CSMD1: variants seen among roughly 807,000 people sequenced by gnomAD.
CSMD1 encodes CUB and Sushi multiple domains 1.
CSMD1 carries 213 observed loss-of-function variants against 417.5 expected under a neutral mutation model. That is an observed-to-expected ratio of 0.51 (90% CI 0.46 to 0.57). The LOEUF is 0.57. Among genes scored for constraint, CSMD1 ranks in the 20% least tolerant of loss-of-function variants. CSMD1 has a pLI of 0.00. For missense variants in CSMD1, 6,923 were observed against 4,529.7 expected (o/e 1.53, Z -15.17); for synonymous variants, 2,862 against 1,736.8 (o/e 1.65, Z -16.11).
intron 6 of CSMD1, among the ~76,000 whole-genome samples, chr8:3,727,565 G>A (rs1023890371): frequency 1.3e-5 from 2 of 152,114 alleles, no homozygotes; most frequent in Admixed American, 6.6e-5. Context: ...GAAGTTCCTC[G>A]AAAAAATACT....
intron 6 of CSMD1, among the ~76,000 whole-genome samples, chr8:3,723,016 C>T (rs1385689747): frequency 2.0e-5 from 3 of 152,190 alleles, no homozygotes; most frequent in East Asian, 3.9e-4. Flanking sequence ...CTCAGCTGGG[C>T]CCTCTGAGCT....
Position 4,463,784 on chromosome 8 carries a change from G to GT in CSMD1, c.303-43720dup, listed in dbSNP as rs536032870. 3.1e-3 allele frequency among the ~76,000 whole-genome samples: 475 copies of GT among 152,200 alleles called. 1 individual carries two copies. Among genetic ancestry groups the GT allele is most frequent in the African/African-American group, 0.011 (440 of 41,538 alleles). On this transcript the variant is annotated intron_variant, in intron 2 of 69. Coordinates refer to ENST00000635120, the MANE Select transcript of CSMD1 (RefSeq NM_033225.6). ...GTGAGTGGGTACTAATGGATACTGG[G>GT]TTTTTTGCATTAAACATCTTCCAAA...
intron 3 of CSMD1, among the ~76,000 whole-genome samples, chr8:4,163,356 A>G (rs4256613): frequency 0.39 from 59,094 of 152,020 alleles, 11,719 homozygotes; most frequent in Middle Eastern, 0.5. Flanking sequence ...CATCAGCCAT[A>G]ACTCAGAGTT....
chr8:3,977,410 T>G (rs952130159), intron 5 of CSMD1, among the ~76,000 whole-genome samples: 3 of 152,238 alleles, frequency 2.0e-5, no homozygotes, highest in Non-Finnish European at 2.9e-5. Context: ...GGTTTTGTTT[T>G]TGTTGTTGTT....
chr8:4,152,882 A>T (rs2131061377), intron 3 of CSMD1, among the ~76,000 whole-genome samples: 1 of 152,280 alleles, frequency 6.6e-6, no homozygotes, highest in African/African-American at 2.4e-5. Flanking sequence ...TTAACATCAA[A>T]TTAGACTTAA....
chr8:3,151,270 T>A, intron 40 of CSMD1, 127 bp downstream of exon 40: 1 of 607,086 alleles, frequency 1.6e-6, no homozygotes, highest in Non-Finnish European at 2.9e-6. Flanking sequence ...TTTATTTAAA[T>A]CTGTACGCCA....
At chr8:3,292,692 C>T (rs901462729) in intron 25 of CSMD1, among the ~76,000 whole-genome samples, 5 of 152,124 alleles carry the variant, frequency 3.3e-5, no homozygotes, top group Non-Finnish European at 5.9e-5. Flanking sequence ...GATCTTCCTC[C>T]ATCCTTTTAT....
intron 23 of CSMD1, among the ~76,000 whole-genome samples, chr8:3,315,756 C>CAGA (rs1805709592): frequency 6.6e-6 from 1 of 152,132 alleles, no homozygotes; most frequent in African/African-American, 2.4e-5. Context: ...GAATGAAAAT[C>CAGA]AGATAGCCAA....
chr8:2,999,891 C>G, intron 53 of CSMD1, 67 bp downstream of exon 53: 1 of 1,406,394 alleles, frequency 7.1e-7, no homozygotes, highest in East Asian at 2.4e-5. Context: ...TATATTGTGA[C>G]CTAATAACAA....
At chr8:4,893,280 C>G (rs1476320998) in intron 1 of CSMD1, among the ~76,000 whole-genome samples, 1 of 151,948 alleles carries the variant, frequency 6.6e-6, no homozygotes, top group South Asian at 2.1e-4. Context: ...TGATGTTTTT[C>G]TTGAACTAGA....
At chr8:3,418,490 C>G (rs1295791126) in intron 12 of CSMD1, among the ~76,000 whole-genome samples, 1 of 152,046 alleles carries the variant, frequency 6.6e-6, no homozygotes, top group East Asian at 1.9e-4. Flanking sequence ...CAGCTATAAT[C>G]ATGGAGTCAT....
chr8:3,645,078 T>C lies in CSMD1; in HGVS notation c.1010-28281A>G, dbSNP rs77436896. On this transcript the variant is annotated intron_variant, in intron 7 of 69. Transcript: ENST00000635120. ...TGAAGATCCAGCAGCCTTCTTACCA[T>C]CTTGAATTGCACAACTTCTGTCCTG... Among the ~76,000 whole-genome samples the C allele has an allele frequency of 9.3e-5, 14 of 150,244 alleles. No individual in the cohort carries two copies. The East Asian group carries it at 2.8e-3, about 30-fold the overall frequency.
rs998228748 is a variant in CSMD1, at chr8:3,288,912, G to C, written c.3951-4566C>G. Among the ~76,000 whole-genome samples, 3 of 146,616 alleles carry C rather than the reference G, an allele frequency of 2.0e-5. No homozygotes were observed. In the East Asian group the frequency reaches 5.9e-4, roughly 29 times the overall value. On this transcript the variant is annotated intron_variant, in intron 25 of 69. Coordinates refer to ENST00000635120, the MANE Select transcript of CSMD1 (RefSeq NM_033225.6). ...GCATATGTATACATGTGCCATGCTGGTGTGCTACACCCATTAACTCATCAT... is the reference window on the plus strand; with the variant it reads ...GCATATGTATACATGTGCCATGCTGCTGTGCTACACCCATTAACTCATCAT...
chr8:4,011,923 A>C (rs1451724866), intron 4 of CSMD1, among the ~76,000 whole-genome samples: 2 of 152,130 alleles, frequency 1.3e-5, no homozygotes, highest in Non-Finnish European at 2.9e-5. Context: ...ACTTATACAC[A>C]TCTTCCCATA....
chr8:4,947,677 C>T (rs1808461173), intron 1 of CSMD1, among the ~76,000 whole-genome samples: 1 of 152,092 alleles, frequency 6.6e-6, no homozygotes, highest in Admixed American at 6.5e-5. Context: ...TCATTCTTGG[C>T]ATTGAAAAAT....
At chr8:2,984,953 T>C (rs769054515) in intron 54 of CSMD1, among the ~76,000 whole-genome samples, 2 of 152,172 alleles carry the variant, frequency 1.3e-5, no homozygotes, top group Non-Finnish European at 2.9e-5. Flanking sequence ...ACATTGAAAA[T>C]GTTTTAAAGT....
intron 12 of CSMD1, among the ~76,000 whole-genome samples, chr8:3,446,727 G>C (rs1815331190): frequency 6.6e-6 from 1 of 152,200 alleles, no homozygotes; most frequent in African/African-American, 2.4e-5. Flanking sequence ...TACTTATAAA[G>C]TGCAAAAATG....
At position 4,380,683 on chromosome 8, in the gene CSMD1, C is replaced by A. The variant is rs118083832; in HGVS notation, c.415+39270G>T. On this transcript the variant is annotated intron_variant, in intron 3 of 69. Transcript: ENST00000635120. ...AATTGTGGCAAATGGACCATACTAACATAAGACATTAATAACAGAGGATTG... is the reference window on the plus strand; with the variant it reads ...AATTGTGGCAAATGGACCATACTAAAATAAGACATTAATAACAGAGGATTG... Among the ~76,000 whole-genome samples, 563 of 152,258 alleles carry A rather than the reference C, an allele frequency of 3.7e-3. 24 individuals are homozygous for A. In the East Asian group the frequency reaches 0.095, roughly 26 times the overall value.
At chr8:3,187,408 G>C (rs10216959) in intron 36 of CSMD1, among the ~76,000 whole-genome samples, 40,959 of 152,020 alleles carry the variant, frequency 0.27, 6,248 homozygotes, top group Non-Finnish European at 0.36. Flanking sequence ...GACTAAGAGA[G>C]GGTGGACTTG....
Sources: allele counts gnomAD v4.1 joint callset (sites outside exome capture counted in the v4.1 genomes callset), GRCh38; gene constraint gnomAD v4.1.1; transcripts MANE v1.5; gene names NCBI Gene and HGNC (gene_info 2026-07-23, HGNC 2026-07-21).